The following FILIP1 variants were observed in gnomAD, a reference collection of about 807,000 sequenced individuals.
The protein encoded by FILIP1 is filamin-A-interacting protein 1.
A neutral mutation model predicts 102.1 loss-of-function variants in FILIP1; 61 were observed. That is an observed-to-expected ratio of 0.60 (90% CI 0.49 to 0.74). FILIP1 has a LOEUF of 0.74. FILIP1 is among the 30% of genes least tolerant of loss of function. FILIP1 has a pLI of 0.00. For synonymous variants in FILIP1, 491 were observed against 526.9 expected, an observed-to-expected ratio of 0.93 and a Z score of 0.93; for missense variants, 1,314 against 1,441.2, an observed-to-expected ratio of 0.91 and a Z score of 1.43.
intron 2 of FILIP1, among the ~76,000 whole-genome samples, chr6:75,391,400 G>A (rs1267757947): frequency 4.0e-5 from 6 of 151,648 alleles, no homozygotes; most frequent in African/African-American, 9.7e-5. Flanking sequence ...ATATTCCTTC[G>A]GTCCACTCTC....
At position 75,349,587 on chromosome 6, in the gene FILIP1, G is replaced by A. The variant is rs369954357; in HGVS notation, c.629+3952C>T. ...GCTCACAGGGACTTTTCGGGAAAAG[G>A]GGAAGGGAGTGCAAAACAAAAAGCA... is the stretch of plus-strand genomic sequence containing the variant. On this transcript the variant is annotated intron_variant, in intron 4 of 5. Coordinates refer to ENST00000237172, the MANE Select transcript of FILIP1 (RefSeq NM_015687.5). Among the ~76,000 whole-genome samples the A allele has an allele frequency of 9.8e-5, 15 of 152,330 alleles. No individual in the cohort carries two copies. The East Asian group carries it at 2.7e-3, about 27-fold the overall frequency.
In FILIP1 at chr6:75,414,899, C is replaced by T. The variant is rs1777206247; in HGVS notation, c.74G>A (p.Gly25Asp). Residue 25 changes from glycine (G) to aspartate (D), a missense_variant, in exon 2 of 6, where the codon GGC becomes GAC. Physicochemically the swap from Gly to Asp is moderately conservative, Grantham distance 94. Around this residue, in one of 3 missense-constraint regions of FILIP1, gnomAD observed 494 missense variants for 511.2 expected, o/e 0.97. Transcript: ENST00000237172. The part of the protein sequence containing the change: ...HISCPKPSII[G>D]NAGEKSLSED... ...TGAGAGACTTTTTTCACCAGCATTG[C>T]CGATGATGGAGGGCTTGGGACAGGA... 6.2e-7 allele frequency: 1 copy of T among 1,613,866 alleles called. No homozygotes were observed. The highest frequency in any genetic ancestry group is 8.5e-7 in the Non-Finnish European group (1 of 1,179,864).
intron 2 of FILIP1, among the ~76,000 whole-genome samples, chr6:75,368,100 A>G (rs910900790): frequency 2.0e-5 from 3 of 152,234 alleles, no homozygotes; most frequent in Admixed American, 6.5e-5. Context: ...CACAGCTGTC[A>G]CACCATTCTC....
At position 75,439,042 on chromosome 6, in the gene FILIP1, T is replaced by C. The variant is rs7747150; in HGVS notation, c.-6-24064A>G. Among the ~76,000 whole-genome samples, 1,496 of 152,322 alleles carry C rather than the reference T, an allele frequency of 9.8e-3. 25 individuals are homozygous for C. The highest frequency in any genetic ancestry group is 0.035 in the African/African-American group (1,437 of 41,572). On this transcript the variant is annotated intron_variant, in intron 1 of 5. Transcript: ENST00000237172. ...TATACTCTCCCCAGATAACCTCTAA[T>C]GAAATGTCTCCAGATCTTTGAATTC...
chr6:75,306,947 C>T (rs762850524), downstream of FILIP1, among the ~76,000 whole-genome samples: 4 of 151,972 alleles, frequency 2.6e-5, no homozygotes, highest in African/African-American at 4.8e-5. Flanking sequence ...AGATTATAGG[C>T]GCCCACCCCC....
At chr6:75,410,396 AT>A (rs879570066) in intron 2 of FILIP1, among the ~76,000 whole-genome samples, 3,898 of 143,328 alleles carry the variant, frequency 0.027, 146 homozygotes, top group African/African-American at 0.093. Flanking sequence ...TTTTTTTGAG[AT>A]TTTTTTTTTT....
chr6:75,441,439 C>T (rs1488127393), intron 1 of FILIP1, among the ~76,000 whole-genome samples: 87 of 152,118 alleles, frequency 5.7e-4, no homozygotes, highest in East Asian at 2.1e-3. Flanking sequence ...CTTTCCCCCC[C>T]TTCTATTCCA....
chr6:75,346,989 G>A (rs1388830879), intron 4 of FILIP1, among the ~76,000 whole-genome samples: 2 of 119,868 alleles, frequency 1.7e-5, no homozygotes, highest in Non-Finnish European at 3.8e-5. Flanking sequence ...CTGATATTAG[G>A]CAGTATGTCT....
intron 2 of FILIP1, 80 bp downstream of exon 2, chr6:75,414,617 G>A (rs1462702163): frequency 3.0e-6 from 4 of 1,318,064 alleles, no homozygotes; most frequent in Non-Finnish European, 4.2e-6. Context: ...ATTACTCAGA[G>A]AGGGGAACAG....
At chr6:75,434,173 C>A (rs1438097791) in intron 1 of FILIP1, among the ~76,000 whole-genome samples, 1 of 152,120 alleles carries the variant, frequency 6.6e-6, no homozygotes, top group Admixed American at 6.6e-5. Context: ...GCAATGTGGG[C>A]TCTTTTTTGG....
intron 2 of FILIP1, among the ~76,000 whole-genome samples, chr6:75,395,175 C>T (rs1776418728): frequency 6.6e-6 from 1 of 152,004 alleles, no homozygotes; most frequent in South Asian, 2.1e-4. Flanking sequence ...GTGTAAAAAA[C>T]AAAAAATATA....
intron 1 of FILIP1, among the ~76,000 whole-genome samples, chr6:75,430,879 T>C (rs941576523): frequency 6.6e-6 from 1 of 152,314 alleles, no homozygotes; most frequent in South Asian, 2.1e-4. Flanking sequence ...AGTAAGCTCT[T>C]TGCAGGCCAA....
chr6:75,354,270 T>A (rs948894003), intron 3 of FILIP1, among the ~76,000 whole-genome samples: 4 of 152,180 alleles, frequency 2.6e-5, no homozygotes, highest in African/African-American at 9.6e-5. Flanking sequence ...CTTGTCAACA[T>A]TTAGTATTTT....
chr6:75,312,515 C>G lies in FILIP1; in HGVS notation c.3317G>C (p.Gly1106Ala). 1 of 1,614,154 alleles carries G rather than the reference C, an allele frequency of 6.2e-7. No homozygotes were observed. Among genetic ancestry groups the G allele is most frequent in the Admixed American group, 1.7e-5 (1 of 60,020 alleles). ...NVTAEKEVSTGTVLRSPRNHL... is the reference protein window; with the variant it reads ...NVTAEKEVSTATVLRSPRNHL... ...ATTCCTGGGAGAGCGAAGGACAGTG[C>G]CGGTGGAAACCTCCTTTTCGGCTGT... is the stretch of plus-strand genomic sequence containing the variant. The change falls in exon 5 of 6, where the codon GGC (glycine) becomes GCC (alanine). Residue 1106 changes from glycine (G) to alanine (A), a missense_variant. Physicochemically the swap from Gly to Ala is moderately conservative, Grantham distance 60. This residue lies in a region of FILIP1 where 816 missense variants were observed against 913.1 expected (regional missense o/e 0.89). Coordinates refer to ENST00000237172, the MANE Select transcript of FILIP1 (RefSeq NM_015687.5).
chr6:75,474,701 T>C (rs1002424936), intron 1 of FILIP1, among the ~76,000 whole-genome samples: 3 of 152,258 alleles, frequency 2.0e-5, no homozygotes, highest in East Asian at 3.9e-4. Flanking sequence ...AAAGAAGATA[T>C]CAGACAAAAG....
chr6:75,419,667 C>T (rs1023390672), intron 1 of FILIP1, among the ~76,000 whole-genome samples: 1 of 152,016 alleles, frequency 6.6e-6, no homozygotes. Flanking sequence ...CCAAGGCACC[C>T]AAAACTCAAA....
chr6:75,372,697 GA>G (rs1491014681), intron 2 of FILIP1, among the ~76,000 whole-genome samples: 1 of 40,068 alleles, frequency 2.5e-5, no homozygotes, highest in Admixed American at 2.4e-4. Context: ...GAAAGAAAGA[GA>G]AAGAAAGAAA....
At chr6:75,365,315 G>A (rs556708906) in intron 2 of FILIP1, among the ~76,000 whole-genome samples, 24 of 152,230 alleles carry the variant, frequency 1.6e-4, no homozygotes, top group Admixed American at 7.8e-4. Flanking sequence ...GGGCTTAGAA[G>A]ACAGGGTAGT....
At chr6:75,306,726 T>C (rs976561173), downstream of FILIP1, among the ~76,000 whole-genome samples, 2 of 151,140 alleles carry the variant, frequency 1.3e-5, no homozygotes, top group African/African-American at 2.4e-5. Context: ...TGGCAGGTCT[T>C]TAACATGGCT....
Sources: allele counts gnomAD v4.1 joint callset (sites outside exome capture counted in the v4.1 genomes callset), GRCh38; gene constraint gnomAD v4.1.1; regional missense constraint gnomAD v4.1.1; transcripts MANE v1.5; gene names NCBI Gene and HGNC (gene_info 2026-07-23, HGNC 2026-07-21).